The following SAMD12 variants were observed in gnomAD, a reference collection of about 807,000 sequenced individuals.
SAMD12 encodes sterile alpha motif domain containing 12.
Under a neutral mutation model 15.0 loss-of-function variants are expected in SAMD12, and 9 were observed. That is an observed-to-expected ratio of 0.60 (90% CI 0.36 to 1.05). SAMD12 has a LOEUF of 1.05. SAMD12 is among the 50% of genes least tolerant of loss of function. The pLI, the probability that SAMD12 is intolerant of heterozygous loss-of-function variation, is 0.01. For missense variants in SAMD12, 230 were observed against 234.2 expected, an observed-to-expected ratio of 0.98 and a Z score of 0.12; for synonymous variants, 86 against 90.1, an observed-to-expected ratio of 0.96 and a Z score of 0.25.
At chr8:118,411,750 C>T (rs924078529) in intron 3 of SAMD12, among the ~76,000 whole-genome samples, 3 of 152,096 alleles carry the variant, frequency 2.0e-5, no homozygotes, top group Non-Finnish European at 2.9e-5. Flanking sequence ...GGGTTAGATA[C>T]AGTATAAAAG....
At chr8:118,318,341 T>TATATAC (rs1816047282) in intron 4 of SAMD12, among the ~76,000 whole-genome samples, 1 of 104,586 alleles carries the variant, frequency 9.6e-6, no homozygotes, top group African/African-American at 2.9e-5. Flanking sequence ...TATATATATA[T>TATATAC]ATATATATAT....
At chr8:118,156,693 G>T in the SAMD12 span, among the ~76,000 whole-genome samples, 1 of 152,074 alleles carries the variant, frequency 6.6e-6, no homozygotes, top group African/African-American at 2.4e-5. Context: ...TAATACAAGG[G>T]CAAAGTTATC....
chr8:118,323,755 T>C (rs1053770440), intron 4 of SAMD12, among the ~76,000 whole-genome samples: 5 of 151,916 alleles, frequency 3.3e-5, no homozygotes, highest in African/African-American at 1.2e-4. Flanking sequence ...GGTGACAGAG[T>C]GAGACCCTGT....
At chr8:118,323,810 G>T (rs1816429730) in intron 4 of SAMD12, among the ~76,000 whole-genome samples, 1 of 152,008 alleles carries the variant, frequency 6.6e-6, no homozygotes, top group Non-Finnish European at 1.5e-5. Context: ...GAGGATAATA[G>T]TAGCGAGATC....
chr8:118,565,868 G>T (rs941062175), intron 2 of SAMD12, among the ~76,000 whole-genome samples: 3 of 152,122 alleles, frequency 2.0e-5, no homozygotes, highest in Non-Finnish European at 4.4e-5. Flanking sequence ...ACCTAATCAT[G>T]TCTTATTAAT....
At chr8:118,589,386 C>T (rs1199420702) in intron 1 of SAMD12, among the ~76,000 whole-genome samples, 3 of 152,196 alleles carry the variant, frequency 2.0e-5, no homozygotes, top group Admixed American at 2.0e-4. Flanking sequence ...GAAACAATTT[C>T]ATCTTTGTAA....
chr8:118,230,659 T>C (rs1812292709), intron 4 of SAMD12, among the ~76,000 whole-genome samples: 1 of 150,540 alleles, frequency 6.6e-6, no homozygotes, highest in Non-Finnish European at 1.5e-5. Context: ...TACTGAAAAC[T>C]GAATGGCAAC....
intron 2 of SAMD12, among the ~76,000 whole-genome samples, chr8:118,551,306 C>G (rs981331644): frequency 2.7e-5 from 4 of 150,714 alleles, no homozygotes; most frequent in East Asian, 3.9e-4. Context: ...TGTAAAAGAA[C>G]AGAAATTATA....
chr8:118,371,785 C>T (rs558130124), intron 4 of SAMD12, among the ~76,000 whole-genome samples: 1 of 152,114 alleles, frequency 6.6e-6, no homozygotes, highest in East Asian at 1.9e-4. Flanking sequence ...GATGCTTAAG[C>T]GGTAGAGGGT....
intron 4 of SAMD12, among the ~76,000 whole-genome samples, chr8:118,224,649 A>G (rs1027677268): frequency 6.6e-6 from 1 of 152,234 alleles, no homozygotes; most frequent in Non-Finnish European, 1.5e-5. Context: ...AAAGGGATTT[A>G]TAAATTTTAA....
At chr8:118,565,709 T>C (rs1332476459) in intron 2 of SAMD12, among the ~76,000 whole-genome samples, 3 of 152,088 alleles carry the variant, frequency 2.0e-5, no homozygotes, top group African/African-American at 2.4e-5. Context: ...AACTTGTGAT[T>C]CCCCCCACCA....
At chr8:118,342,677 T>C (rs1463039466) in intron 4 of SAMD12, among the ~76,000 whole-genome samples, 2 of 152,196 alleles carry the variant, frequency 1.3e-5, no homozygotes, top group Non-Finnish European at 2.9e-5. Context: ...ATATAAACAG[T>C]CCCAAATCCA....
chr8:118,619,454 G>A (rs1469015226), intron 1 of SAMD12, among the ~76,000 whole-genome samples: 1 of 145,944 alleles, frequency 6.9e-6, no homozygotes, highest in Non-Finnish European at 1.5e-5. Flanking sequence ...ACTCTAGCCT[G>A]GGCGACAGAG....
intron 4 of SAMD12, among the ~76,000 whole-genome samples, chr8:118,264,541 A>G (rs1293489650): frequency 1.3e-5 from 2 of 152,152 alleles, no homozygotes; most frequent in Non-Finnish European, 2.9e-5. Flanking sequence ...GGGAAAAGTA[A>G]TATTGCTGCC....
In SAMD12 at chr8:118,524,521, C is replaced by A. The variant is rs543414510; in HGVS notation, c.192+56194G>T. On this transcript the variant is annotated intron_variant, in intron 2 of 3. Transcript: ENST00000314727. ...CTCCCCCTAGGATAACTCGCCCAGT[C>A]TCCAGGCTTTAAATACCATTCATAT... is the stretch of plus-strand genomic sequence containing the variant. Among the ~76,000 whole-genome samples the A allele has an allele frequency of 5.1e-4, 78 of 152,240 alleles. No homozygotes were observed. The South Asian group carries it at 0.016, about 31-fold the overall frequency.
At chr8:118,224,215 G>A (rs1315118437) in intron 4 of SAMD12, among the ~76,000 whole-genome samples, 2 of 152,110 alleles carry the variant, frequency 1.3e-5, no homozygotes, top group African/African-American at 4.8e-5. Flanking sequence ...TGCAGGCTTT[G>A]GAAAGGTCTG....
At chr8:118,373,469 T>C (rs1819212483), downstream of SAMD12, among the ~76,000 whole-genome samples, 1 of 152,182 alleles carries the variant, frequency 6.6e-6, no homozygotes, top group African/African-American at 2.4e-5. Flanking sequence ...AGCTAGTCCG[T>C]ACATATAGTT....
At chr8:118,318,325 T>TATATATATATATATATATATACAC (rs1816036869) in intron 4 of SAMD12, among the ~76,000 whole-genome samples, 1 of 25,222 alleles carries the variant, frequency 4.0e-5, no homozygotes, top group Non-Finnish European at 1.5e-4. Context: ...TATATATATA[T>TATATATATATATATATATATACAC]ATATATATAT....
chr8:118,472,447 G>T lies in SAMD12; in HGVS notation c.193-32486C>A, dbSNP rs938822803. Among the ~76,000 whole-genome samples, 78 of 152,242 alleles carry T rather than the reference G, an allele frequency of 5.1e-4. 1 individual carries two copies. The highest frequency in any genetic ancestry group is 1.9e-3 in the African/African-American group (77 of 41,544). On this transcript the variant is annotated intron_variant, in intron 2 of 3. Transcript: ENST00000314727. ...CATGCCTCTAAACCCTTGGCTTTGG[G>T]AGGCTGAGGCAGGAGGACTGCTTGA...
Sources: allele counts gnomAD v4.1 joint callset (sites outside exome capture counted in the v4.1 genomes callset), GRCh38; gene constraint gnomAD v4.1.1; transcripts MANE v1.5; gene names NCBI Gene and HGNC (gene_info 2026-07-23, HGNC 2026-07-21).